RAD51B: variants seen among roughly 807,000 people sequenced by gnomAD.
RAD51B encodes the protein RAD51 paralog B.
A neutral mutation model predicts 42.2 loss-of-function variants in RAD51B; 38 were observed. The observed-to-expected ratio is 0.90, with a 90% CI of 0.70 to 1.18. RAD51B has a LOEUF of 1.18. RAD51B is among the 50% of genes most tolerant of loss of function. The pLI, the probability that RAD51B is intolerant of heterozygous loss-of-function variation, is 0.00. For missense variants in RAD51B, 373 were observed against 400.7 expected (o/e 0.93, Z 0.59); for synonymous variants, 154 against 145.2 (o/e 1.06, Z -0.43).
At chr14:68,204,638 C>T (rs2079550917) in intron 7 of RAD51B, among the ~76,000 whole-genome samples, 1 of 152,034 alleles carries the variant, frequency 6.6e-6, no homozygotes, top group Non-Finnish European at 1.5e-5. Flanking sequence ...AAGTGGAGTA[C>T]AATAAAGTAA....
At chr14:68,037,905 A>T (rs566151889) in intron 7 of RAD51B, among the ~76,000 whole-genome samples, 7 of 152,302 alleles carry the variant, frequency 4.6e-5, no homozygotes, top group African/African-American at 1.7e-4. Flanking sequence ...ATTTTATAGG[A>T]GGCTTTGGTA....
chr14:68,455,862 A>G (rs2085672614), intron 9 of RAD51B, among the ~76,000 whole-genome samples: 1 of 152,256 alleles, frequency 6.6e-6, no homozygotes, highest in Admixed American at 6.5e-5. Flanking sequence ...GCAAAAAGCA[A>G]GAATTATAAA....
intron 9 of RAD51B, among the ~76,000 whole-genome samples, chr14:68,415,911 C>A (rs2084545242): frequency 6.6e-6 from 1 of 152,144 alleles, no homozygotes; most frequent in Non-Finnish European, 1.5e-5. Flanking sequence ...AAGCCTCACA[C>A]CCGCTTGATG....
downstream of RAD51B, among the ~76,000 whole-genome samples, chr14:68,613,010 C>G (rs956386212): frequency 1.3e-5 from 2 of 152,008 alleles, no homozygotes; most frequent in African/African-American, 4.8e-5. Flanking sequence ...GAAAATGGAC[C>G]CACAAACCAC....
At chr14:68,223,884 G>A (rs2079981111) in intron 7 of RAD51B, among the ~76,000 whole-genome samples, 1 of 152,176 alleles carries the variant, frequency 6.6e-6, no homozygotes, top group South Asian at 2.1e-4. Context: ...TGCTTAGCCA[G>A]CAGGGAGGGA....
intron 7 of RAD51B, among the ~76,000 whole-genome samples, chr14:67,983,080 C>T (rs559582369): frequency 2.0e-5 from 3 of 152,134 alleles, no homozygotes; most frequent in African/African-American, 7.2e-5. Flanking sequence ...TCTGTAGAAA[C>T]TGTCTAATAC....
intron 9 of RAD51B, among the ~76,000 whole-genome samples, chr14:68,449,383 G>A (rs1056304360): frequency 6.6e-6 from 1 of 152,180 alleles, no homozygotes; most frequent in Admixed American, 6.5e-5. Flanking sequence ...ATTTTACAAA[G>A]TCTCCTTAAA....
At chr14:68,567,028 G>A (rs559987962) in intron 10 of RAD51B, among the ~76,000 whole-genome samples, 5 of 152,192 alleles carry the variant, frequency 3.3e-5, no homozygotes, top group South Asian at 2.1e-4. Flanking sequence ...TGGCCGGCAC[G>A]GTGGCTCACG....
downstream of RAD51B, among the ~76,000 whole-genome samples, chr14:68,615,666 A>G (rs1232413062): frequency 6.6e-6 from 1 of 152,122 alleles, no homozygotes; most frequent in Non-Finnish European, 1.5e-5. Context: ...TTTTGTCACT[A>G]TGAAATTGTC....
chr14:68,430,654 A>T (rs1445948564), intron 9 of RAD51B, among the ~76,000 whole-genome samples: 3 of 152,218 alleles, frequency 2.0e-5, no homozygotes, highest in Non-Finnish European at 2.9e-5. Context: ...TTAGGCTGAG[A>T]CGATGGGGTT....
intron 7 of RAD51B, among the ~76,000 whole-genome samples, chr14:68,183,139 C>T (rs973264701): frequency 2.0e-5 from 3 of 152,098 alleles, no homozygotes; most frequent in East Asian, 1.9e-4. Context: ...TTGACTCACA[C>T]GATCACAAGG....
chr14:68,534,490 A>C (rs1042876577), intron 10 of RAD51B, among the ~76,000 whole-genome samples: 48 of 152,206 alleles, frequency 3.2e-4, no homozygotes, highest in African/African-American at 1.1e-3. Flanking sequence ...GTGGAAAGCA[A>C]GGAAGCCCAT....
chr14:68,246,788 G>T (rs1456003042), intron 7 of RAD51B, among the ~76,000 whole-genome samples: 1 of 152,126 alleles, frequency 6.6e-6, no homozygotes, highest in East Asian at 1.9e-4. Flanking sequence ...AAGAGCAAAG[G>T]GTGTTTTCAG....
intron 7 of RAD51B, among the ~76,000 whole-genome samples, chr14:68,257,760 G>A (rs1313856477): frequency 6.6e-6 from 1 of 152,002 alleles, no homozygotes; most frequent in Non-Finnish European, 1.5e-5. Context: ...GTTTCATAGT[G>A]TTGTTCTCTG....
At chr14:67,893,193 T>A (rs1163048001) in intron 7 of RAD51B, among the ~76,000 whole-genome samples, 1 of 152,108 alleles carries the variant, frequency 6.6e-6, no homozygotes, top group East Asian at 1.9e-4. Context: ...TCAGTCTTAA[T>A]ACATTGGCTT....
chr14:67,836,385 C>T (rs1171305910), intron 4 of RAD51B, among the ~76,000 whole-genome samples: 1 of 152,056 alleles, frequency 6.6e-6, no homozygotes, highest in East Asian at 1.9e-4. Flanking sequence ...ATATCTTTGG[C>T]AACCTAGCTT....
At chr14:68,085,349 A>G (rs2076968489) in intron 7 of RAD51B, among the ~76,000 whole-genome samples, 1 of 152,210 alleles carries the variant, frequency 6.6e-6, no homozygotes, top group Admixed American at 6.5e-5. Flanking sequence ...AAGGAAGTAG[A>G]TAACATTATC....
chr14:67,886,465 G>A (rs2043064121), intron 6 of RAD51B: 1 of 215,790 alleles, frequency 4.6e-6, no homozygotes, highest in Admixed American at 5.8e-5. Context: ...TCTGTTTCTT[G>A]CTGGCAGTGG....
In RAD51B at chr14:67,922,687, CT is replaced by C. The variant is rs34206440; in HGVS notation, c.756+35499del. Reference sequence around the variant, plus strand: ...GTGTACACTGTACCCAATATGTAGTCTTTTTTTTTTTTTTTTCTTTTTGAGA... The same window carrying C: ...GTGTACACTGTACCCAATATGTAGTCTTTTTTTTTTTTTTTCTTTTTGAGA... On this transcript the variant is annotated intron_variant, in intron 7 of 10. Transcript: ENST00000471583. Among the ~76,000 whole-genome samples, 389 of 132,460 alleles carry C rather than the reference CT, an allele frequency of 2.9e-3. 2 individuals carry two copies. In the East Asian group the frequency reaches 0.03, roughly 10 times the overall value. The allele number at this position is 132,460 out of a possible 152,430, so 86.9% of individuals were successfully genotyped here.
Sources: gnomAD v4.1 joint callset for allele counts (sites outside exome capture counted in the v4.1 genomes callset) on GRCh38, gnomAD v4.1.1 for gene constraint, MANE v1.5 for transcripts, NCBI Gene and HGNC (gene_info 2026-07-23, HGNC 2026-07-21) for gene names.